The following MYO5B variants were observed in gnomAD, a reference collection of about 807,000 sequenced individuals.
MYO5B encodes the protein myosin VB.
A neutral mutation model predicts 229.3 loss-of-function variants in MYO5B; 143 were observed. The ratio of observed to expected loss-of-function variants is 0.62; its 90% CI spans 0.54 to 0.72. The LOEUF is 0.72. Ranked by LOEUF, MYO5B falls within the 30% of genes least tolerant of loss-of-function variation. The pLI, the probability that MYO5B is intolerant of heterozygous loss-of-function variation, is 0.00. For missense variants in MYO5B, 2,321 were observed against 2,331.0 expected (o/e 1.00, Z 0.09); for synonymous variants, 918 against 885.2 (o/e 1.04, Z -0.66).
intron 5 of MYO5B, among the ~76,000 whole-genome samples, chr18:50,000,212 A>T (rs1017914109): frequency 5.3e-5 from 8 of 152,224 alleles, no homozygotes; most frequent in African/African-American, 1.9e-4. Context: ...CTCCAAAATC[A>T]TCTGAAAGAC....
At position 49,830,145 on chromosome 18, in the gene MYO5B, C is replaced by CCACACACACACACA. The variant is rs57718809; in HGVS notation, c.5395-3536_5395-3523dup. On this transcript the variant is annotated intron_variant, in intron 39 of 39. Coordinates refer to ENST00000285039, the MANE Select transcript of MYO5B (RefSeq NM_001080467.3). ...TTACATGTAGAAAAACTGAAAGAAT[C>CCACACACACACACA]CACACACACACACACACACACACAC... is the stretch of plus-strand genomic sequence containing the variant. Among the ~76,000 whole-genome samples the CCACACACACACACA allele has an allele frequency of 5.6e-3, 833 of 150,006 alleles. 11 individuals are homozygous for CCACACACACACACA. The highest frequency in any genetic ancestry group is 0.013 in the East Asian group (66 of 5,152).
At chr18:50,183,514 C>G (rs1204365895) in intron 1 of MYO5B, among the ~76,000 whole-genome samples, 1 of 151,560 alleles carries the variant, frequency 6.6e-6, no homozygotes, top group Non-Finnish European at 1.5e-5. Flanking sequence ...AGCAAAATGC[C>G]TATTAAAGTG....
chr18:50,186,564 G>A (rs1442269351), intron 1 of MYO5B, among the ~76,000 whole-genome samples: 2 of 152,172 alleles, frequency 1.3e-5, no homozygotes, highest in Non-Finnish European at 2.9e-5. Context: ...CTTTCACCAA[G>A]TCTCCTTGTG....
intron 22 of MYO5B, among the ~76,000 whole-genome samples, chr18:49,891,641 G>A (rs1030378227): frequency 6.6e-6 from 1 of 152,160 alleles, no homozygotes; most frequent in African/African-American, 2.4e-5. Flanking sequence ...TGAACCATGA[G>A]TCCTGGTGCT....
At chr18:50,130,449 T>A (rs905006821) in intron 1 of MYO5B, among the ~76,000 whole-genome samples, 1 of 152,156 alleles carries the variant, frequency 6.6e-6, no homozygotes, top group Non-Finnish European at 1.5e-5. Flanking sequence ...CTTGGTAGCT[T>A]CTGGAGGTTA....
intron 10 of MYO5B, among the ~76,000 whole-genome samples, chr18:49,964,723 G>A (rs1272885109): frequency 6.6e-6 from 1 of 152,164 alleles, no homozygotes; most frequent in African/African-American, 2.4e-5. Flanking sequence ...TCTGATGCTT[G>A]GTCAATTTTG....
chr18:49,947,775 T>G (rs2025390608), intron 14 of MYO5B, among the ~76,000 whole-genome samples: 1 of 152,214 alleles, frequency 6.6e-6, no homozygotes, highest in Admixed American at 6.5e-5. Context: ...ACATAGGGAC[T>G]GGCTTTGGTA....
rs533129466 is a variant in MYO5B, at chr18:49,967,118, CAT to C, written c.1323-4090_1323-4089del. On this transcript the variant is annotated intron_variant, in intron 10 of 39. Coordinates refer to ENST00000285039, the MANE Select transcript of MYO5B (RefSeq NM_001080467.3). ...TCCTTGGGCCGGAGGAAGGTCAAAA[CAT>C]AGAGTAAGAATCGATGCTGAAATGT... 7.9e-5 allele frequency among the ~76,000 whole-genome samples: 12 copies of C among 152,218 alleles called. No individual in the cohort carries two copies. The East Asian group carries it at 1.7e-3, about 22-fold the overall frequency.
chr18:50,067,882 T>C (rs1235949141), intron 1 of MYO5B, among the ~76,000 whole-genome samples: 1 of 152,150 alleles, frequency 6.6e-6, no homozygotes, highest in African/African-American at 2.4e-5. Context: ...CTAAGACAAT[T>C]ACTATTAAGA....
At position 50,001,244 on chromosome 18, in the gene MYO5B, G is replaced by A. The variant is rs770327443; in HGVS notation, c.612+11C>T. On this transcript the variant is annotated intron_variant, in intron 5 of 39. Transcript: ENST00000285039. Reference sequence around the variant, plus strand: ...CCAGCCAGGAAGGCCAGGACACCTAGAAGGCTTTACCTCCATGATGGGACT... The same window carrying A: ...CCAGCCAGGAAGGCCAGGACACCTAAAAGGCTTTACCTCCATGATGGGACT... 1.2e-6 allele frequency: 2 copies of A among 1,614,138 alleles called. No individual in the cohort carries two copies.
chr18:50,105,244 TAAA>T (rs1568108361), intron 1 of MYO5B, among the ~76,000 whole-genome samples: 1 of 129,520 alleles, frequency 7.7e-6, no homozygotes, highest in Admixed American at 7.8e-5. Context: ...AATAAATAAA[TAAA>T]TAAAAAATAG....
At chr18:49,905,636 C>G (rs1293842746) in intron 19 of MYO5B, among the ~76,000 whole-genome samples, 1 of 152,212 alleles carries the variant, frequency 6.6e-6, no homozygotes, top group Non-Finnish European at 1.5e-5. Context: ...GGCCTCCAAA[C>G]ACAAGACTTT....
intron 10 of MYO5B, among the ~76,000 whole-genome samples, chr18:49,964,608 A>G (rs1170549725): frequency 2.0e-5 from 3 of 152,142 alleles, no homozygotes; most frequent in East Asian, 3.8e-4. Flanking sequence ...AGCTTTTTAA[A>G]GTCTTTGGTT....
chr18:49,910,177 A>C (rs949123180), intron 18 of MYO5B, among the ~76,000 whole-genome samples: 1 of 152,248 alleles, frequency 6.6e-6, no homozygotes, highest in Non-Finnish European at 1.5e-5. Flanking sequence ...TCCTGAGCAC[A>C]TCACAGCAGC....
rs552789218 is a variant in MYO5B, at chr18:49,823,537, G to C, written c.*2934C>G. On this transcript the variant is annotated 3_prime_UTR_variant, in exon 40 of 40. Transcript: ENST00000285039. The stretch of plus-strand genomic sequence containing the variant: ...GCTCTAAGTAAATATTTGATGAATT[G>C]ATGGTAGCAGTGTTGATTTTTAACT... 2.6e-5 allele frequency: 4 copies of C among 152,398 alleles called. No homozygotes were observed. The highest frequency in any genetic ancestry group is 9.6e-5 in the African/African-American group (4 of 41,598). 9.4% of individuals were successfully genotyped at this position (152,398 alleles called of 1,614,324 possible).
intron 12 of MYO5B, among the ~76,000 whole-genome samples, chr18:49,955,371 T>C (rs755092366): frequency 9.2e-5 from 14 of 152,164 alleles, no homozygotes; most frequent in Non-Finnish European, 2.1e-4. Flanking sequence ...GGGAAGGTGC[T>C]CCCTCCTCTG....
At position 50,139,647 on chromosome 18, in the gene MYO5B, T is replaced by TG. The variant is rs1428770427; in HGVS notation, c.27+55119dup. ...CAGCCTTTCCCTAAAGCACACTGCC[T>TG]GGCAAGCCACTCTATAAACACAATC... On this transcript the variant is annotated intron_variant, in intron 1 of 39. Transcript: ENST00000285039. Among the ~76,000 whole-genome samples the TG allele has an allele frequency of 3.3e-5, 5 of 152,170 alleles. No homozygotes were observed. The East Asian group carries it at 5.8e-4, about 18-fold the overall frequency.
At chr18:50,139,697 G>A (rs1284851543) in intron 1 of MYO5B, among the ~76,000 whole-genome samples, 2 of 152,098 alleles carry the variant, frequency 1.3e-5, no homozygotes, top group African/African-American at 2.4e-5. Context: ...TGGGCTTAGC[G>A]AGAATCCATG....
intron 4 of MYO5B, among the ~76,000 whole-genome samples, chr18:50,010,998 G>A (rs1159647737): frequency 6.6e-6 from 1 of 152,082 alleles, no homozygotes; most frequent in Non-Finnish European, 1.5e-5. Flanking sequence ...TACAAGTCTT[G>A]TATTCTTCCT....
Sources: allele counts gnomAD v4.1 joint callset (sites outside exome capture counted in the v4.1 genomes callset), GRCh38; gene constraint gnomAD v4.1.1; transcripts MANE v1.5; gene names NCBI Gene and HGNC (gene_info 2026-07-23, HGNC 2026-07-21).